NCKAP5: variants seen among roughly 807,000 people sequenced by gnomAD.
The protein encoded by NCKAP5 is NCK associated protein 5.
A neutral mutation model predicts 167.0 loss-of-function variants in NCKAP5; 92 were observed. That is an observed-to-expected ratio of 0.55 (90% CI 0.47 to 0.66). The LOEUF is 0.66. NCKAP5 is among the 30% of genes least tolerant of loss of function. The pLI, the probability that NCKAP5 is intolerant of heterozygous loss-of-function variation, is 0.00. For missense variants in NCKAP5, 2,378 were observed against 2,315.0 expected (o/e 1.03, Z -0.56); for synonymous variants, 891 against 877.4 (o/e 1.02, Z -0.27).
the NCKAP5 span, among the ~76,000 whole-genome samples, chr2:133,587,053 C>T: frequency 2.0e-5 from 3 of 152,178 alleles, no homozygotes; most frequent in Non-Finnish European, 4.4e-5. Context: ...AAAGGACTCA[C>T]GCGAGGGGTG....
At chr2:133,549,060 A>C (rs1346481444) in intron 2 of NCKAP5, among the ~76,000 whole-genome samples, 5 of 151,552 alleles carry the variant, frequency 3.3e-5, no homozygotes, top group African/African-American at 9.7e-5. Context: ...GAAAACAAAA[A>C]AAGGCAGGGG....
intron 6 of NCKAP5, among the ~76,000 whole-genome samples, chr2:133,054,048 G>T (rs576036714): frequency 6.6e-6 from 1 of 152,300 alleles, no homozygotes; most frequent in East Asian, 1.9e-4. Flanking sequence ...TAATTCTATG[G>T]TGTTTATCAG....
intron 6 of NCKAP5, among the ~76,000 whole-genome samples, chr2:133,042,105 T>G (rs180955991): frequency 5.9e-4 from 90 of 152,322 alleles, no homozygotes; most frequent in African/African-American, 2.1e-3. Context: ...TTATTATGCA[T>G]GGATTTGACT....
intron 8 of NCKAP5, among the ~76,000 whole-genome samples, chr2:132,896,862 G>C (rs929773955): frequency 1.6e-4 from 24 of 152,176 alleles, no homozygotes; most frequent in African/African-American, 5.6e-4. Context: ...GTGGCAGAGA[G>C]AATGGCTAGG....
At chr2:132,773,058 C>A (rs1205642083) in intron 16 of NCKAP5, among the ~76,000 whole-genome samples, 2 of 152,186 alleles carry the variant, frequency 1.3e-5, no homozygotes, top group African/African-American at 4.8e-5. Flanking sequence ...TTCCATGATG[C>A]CTCAGTGTCT....
chr2:133,178,937 A>C (rs1443945060), intron 5 of NCKAP5, among the ~76,000 whole-genome samples: 1 of 151,966 alleles, frequency 6.6e-6, no homozygotes, highest in African/African-American at 2.4e-5. Context: ...AGGCTAAGGC[A>C]GGTGGATCAC....
chr2:133,370,886 G>A (rs1304494753), intron 3 of NCKAP5, among the ~76,000 whole-genome samples: 1 of 151,910 alleles, frequency 6.6e-6, no homozygotes, highest in East Asian at 1.9e-4. Context: ...TATGACAAAG[G>A]GAGTGTTGCA....
At chr2:133,442,911 T>TA (rs1427276834) in intron 3 of NCKAP5, among the ~76,000 whole-genome samples, 1 of 152,208 alleles carries the variant, frequency 6.6e-6, no homozygotes, top group Admixed American at 6.5e-5. Flanking sequence ...AGAACACCCC[T>TA]ACTCTTCAAC....
chr2:133,371,963 A>G (rs1406803666), intron 3 of NCKAP5, among the ~76,000 whole-genome samples: 1 of 152,232 alleles, frequency 6.6e-6, no homozygotes, highest in Non-Finnish European at 1.5e-5. Flanking sequence ...TTACAAGCTT[A>G]TCATTATACT....
intron 8 of NCKAP5, among the ~76,000 whole-genome samples, chr2:132,909,358 ATATC>A (rs1421638384): frequency 6.6e-6 from 1 of 152,106 alleles, no homozygotes; most frequent in African/African-American, 2.4e-5. Flanking sequence ...AAAAAAAATT[ATATC>A]TATCTATCTT....
At chr2:132,933,855 A>G (rs1286744776) in intron 8 of NCKAP5, among the ~76,000 whole-genome samples, 2 of 152,222 alleles carry the variant, frequency 1.3e-5, no homozygotes, top group African/African-American at 4.8e-5. Context: ...AGAGGGGGAA[A>G]AAAAAGAGCT....
intron 11 of NCKAP5, among the ~76,000 whole-genome samples, chr2:132,847,107 A>G (rs1289553988): frequency 6.6e-6 from 1 of 152,240 alleles, no homozygotes; most frequent in Non-Finnish European, 1.5e-5. Context: ...CTACAAGTAC[A>G]TACAAAGTGG....
At chr2:133,615,255 A>C in the NCKAP5 span, among the ~76,000 whole-genome samples, 246 of 151,822 alleles carry the variant, frequency 1.6e-3, 5 homozygotes, top group East Asian at 0.041. Flanking sequence ...TGAGCAAAAT[A>C]ACCAGCTAAC....
intron 7 of NCKAP5, among the ~76,000 whole-genome samples, chr2:132,992,749 C>T (rs2149305277): frequency 6.6e-6 from 1 of 152,266 alleles, no homozygotes; most frequent in East Asian, 1.9e-4. Flanking sequence ...GTCAAGACCA[C>T]CCTCTCAAGA....
chr2:133,612,379 T>C, the NCKAP5 span, among the ~76,000 whole-genome samples: 2 of 152,352 alleles, frequency 1.3e-5, no homozygotes, highest in East Asian at 3.9e-4. Flanking sequence ...AGCATCTGGA[T>C]TGAAAAGAAA....
Position 133,272,446 on chromosome 2 carries a change from A to G in NCKAP5, c.143+30591T>C, listed in dbSNP as rs74944148. Among the ~76,000 whole-genome samples the G allele has an allele frequency of 4.2e-3, 645 of 152,306 alleles. 3 individuals carry two copies. The highest frequency in any genetic ancestry group is 0.014 in the African/African-American group (594 of 41,586). On this transcript the variant is annotated intron_variant, in intron 4 of 19. Transcript: ENST00000409261. ...CTATGAGCAATTTTATCTGTTTTCA[A>G]ACTTATTGACATAAAGTGATCAATG...
At chr2:133,246,413 G>A (rs1354276157) in intron 4 of NCKAP5, among the ~76,000 whole-genome samples, 2 of 152,118 alleles carry the variant, frequency 1.3e-5, no homozygotes, top group Admixed American at 6.5e-5. Flanking sequence ...TCGCTATAAT[G>A]TATGGTAACC....
rs756023809 is a variant in NCKAP5 at position 133,130,118 on chromosome 2, A to G, written c.208-7T>C. 1 of 1,605,238 alleles carries G rather than the reference A, an allele frequency of 6.2e-7. No individual in the cohort carries two copies. Among genetic ancestry groups the G allele is most frequent in the Middle Eastern group, 1.7e-4 (1 of 5,982 alleles). On this transcript the variant is annotated splice_polypyrimidine_tract_variant and splice_region_variant and intron_variant, in intron 5 of 19. Coordinates refer to ENST00000409261, the MANE Select transcript of NCKAP5 (RefSeq NM_207363.3). Reference sequence around the variant, plus strand: ...CATGTATCAGCTTCTCATGCTATAAAAGACACAAAGGGGATGACTTTTAGG... The same window carrying G: ...CATGTATCAGCTTCTCATGCTATAAGAGACACAAAGGGGATGACTTTTAGG...
the NCKAP5 span, among the ~76,000 whole-genome samples, chr2:133,643,239 C>A: frequency 2.0e-5 from 3 of 152,128 alleles, no homozygotes; most frequent in Non-Finnish European, 4.4e-5. Context: ...TGTTATACAG[C>A]CATGAAAATC....
Sources: allele counts gnomAD v4.1 joint callset (sites outside exome capture counted in the v4.1 genomes callset), GRCh38; gene constraint gnomAD v4.1.1; transcripts MANE v1.5; gene names NCBI Gene and HGNC (gene_info 2026-07-23, HGNC 2026-07-21).